CD63: variants seen among roughly 807,000 people sequenced by gnomAD.
CD63 encodes the protein CD63 antigen.
In CD63, 16 loss-of-function variants were observed where a neutral mutation model predicts 29.2. The ratio of observed to expected loss-of-function variants is 0.55; its 90% confidence interval spans 0.37 to 0.83. CD63 has a LOEUF of 0.83. Among genes scored for constraint, CD63 ranks in the 40% least tolerant of loss-of-function variants. The pLI, the probability that CD63 is intolerant of heterozygous loss-of-function variation, is 0.00. For synonymous variants in CD63, 118 were observed against 111.7 expected (o/e 1.06, Z -0.36); for missense variants, 251 against 297.3 (o/e 0.84, Z 1.15).
chr12:55,724,645 C>T, downstream of CD63: 1 of 1,065,278 alleles, frequency 9.4e-7, no homozygotes, highest in East Asian at 2.5e-5. Context: ...AAAATAAGCA[C>T]TAACAAAAGT....
In CD63 at chr12:55,727,557, G is replaced by C. The variant is rs1029860983; in HGVS notation, c.67-218C>G. 3.5e-5 allele frequency: 45 copies of C among 1,299,598 alleles called. 1 individual carries two copies. Among genetic ancestry groups the C allele is most frequent in the Non-Finnish European group, 4.2e-5 (43 of 1,019,792 alleles). 80.5% of individuals were successfully genotyped at this position (1,299,598 alleles called of 1,614,324 possible). ...CTCCCGGCTCTTTAATCAGGGACAT[G>C]ACCAAATTCAAAAACCTCCCAGAAA... On this transcript the variant is annotated intron_variant, in intron 2 of 7. Coordinates refer to ENST00000257857, the MANE Select transcript of CD63 (RefSeq NM_001780.6).
chr12:55,728,349 G>C lies in CD63; in HGVS notation c.-8C>G, dbSNP rs770757846. The C allele has an allele frequency of 1.9e-6, 3 of 1,609,274 alleles. No individual in the cohort carries two copies. The highest frequency in any genetic ancestry group is 1.3e-5 in the African/African-American group (1 of 75,030). ...TCCTCCTTCCACCGCCATGGCTGCC[G>C]GGCCTGGGGCAGAGGGGAGGGCGGG... On this transcript the variant is annotated 5_prime_UTR_variant, in exon 2 of 8. Transcript: ENST00000257857. The surrounding 1 kb of genome is among the most constrained non-coding windows in gnomAD (Gnocchi z 4.8).
At chr12:55,724,799 G>T, downstream of CD63, 1 of 562,878 alleles carries the variant, frequency 1.8e-6, no homozygotes, top group Admixed American at 3.0e-5. Flanking sequence ...ACCCACAGTG[G>T]GGCGCCAGGG....
At chr12:55,727,434 C>A (rs929369126) in intron 2 of CD63, 95 bp from the exon 3 acceptor site, 24 of 1,316,442 alleles carry the variant, frequency 1.8e-5, no homozygotes, top group Admixed American at 7.2e-5. Context: ...CAGACTTGAC[C>A]CCATCCGGAA....
intron 3 of CD63, 23 bp from the exon 4 acceptor site, chr12:55,726,987 T>TC: frequency 6.2e-7 from 1 of 1,612,402 alleles, no homozygotes; most frequent in Non-Finnish European, 8.5e-7. Flanking sequence ...AGGACAGAAG[T>TC]CAAGTTTGGA....
chr12:55,723,701 AAAC>A (rs1877037766), downstream of CD63: 3 of 663,656 alleles, frequency 4.5e-6, no homozygotes, highest in African/African-American at 5.4e-5. Flanking sequence ...AGATCAAAGA[AAAC>A]AAACCTCAAA....
Position 55,725,572 on chromosome 12 carries a change from C to T in CD63, c.706G>A (p.Glu236Lys), listed in dbSNP as rs1221319432. The change falls in exon 8 of 8, where the codon GAG becomes AAG. Residue 236 changes from glutamate (E) to lysine (K), a missense_variant. By Grantham distance (56) the Glu-to-Lys change is moderately conservative (BLOSUM62 1). Coordinates refer to ENST00000257857, the MANE Select transcript of CD63 (RefSeq NM_001780.6). The part of the protein sequence containing the change: ...CLVKSIRSGY[E>K]VM ...AGGAGACCAGACCCCTACATCACCT[C>T]GTAGCCACTTCTGATACTCTTCACG... The T allele has an allele frequency of 2.5e-6, 4 of 1,613,784 alleles. No homozygotes were observed. Among genetic ancestry groups the T allele is most frequent in the Admixed American group, 1.7e-5 (1 of 59,986 alleles).
chr12:55,723,848 G>A (rs1289382972), downstream of CD63: 2 of 1,609,608 alleles, frequency 1.2e-6, no homozygotes, highest in Middle Eastern at 1.7e-4. Context: ...CTCCCTATAG[G>A]GCAAGAACCC....
At chr12:55,725,150 G>C (rs1877163827), downstream of CD63, among the ~76,000 whole-genome samples, 1 of 152,208 alleles carries the variant, frequency 6.6e-6, no homozygotes, top group African/African-American at 2.4e-5. Flanking sequence ...AGGCCAGGAA[G>C]ATGTCCAAGG....
At chr12:55,727,365 G>A (rs1877523093) in intron 2 of CD63, 26 bp from the exon 3 acceptor site, 5 of 1,598,736 alleles carry the variant, frequency 3.1e-6, no homozygotes, top group Non-Finnish European at 3.4e-6. Flanking sequence ...GTGAGGATTA[G>A]GCCATATCCA....
rs1406299370 is a variant in CD63, at chr12:55,726,265, G to C, written c.427-4C>G. 2 of 1,613,118 alleles carry C rather than the reference G, an allele frequency of 1.2e-6. No individual in the cohort carries two copies. Among genetic ancestry groups the C allele is most frequent in the Non-Finnish European group, 1.7e-6 (2 of 1,179,572 alleles). ...TAGCAGCCCCACAGCACTTAAACTG[G>C]GGGAGGGAAGAAATATGGAGAAGAA... On this transcript the variant is annotated splice_region_variant and splice_polypyrimidine_tract_variant and intron_variant, in intron 5 of 7. Transcript: ENST00000257857.
chr12:55,725,376 G>A lies in CD63; in HGVS notation c.*185C>T, dbSNP rs1351370449. On this transcript the variant is annotated 3_prime_UTR_variant, in exon 8 of 8. Transcript: ENST00000257857. ...CCAAACACCCCCCAAAATAGACCTC[G>A]AAGTACACATGCATTAAGGTCCCAG... is the stretch of plus-strand genomic sequence containing the variant. 1.3e-5 allele frequency: 8 copies of A among 613,282 alleles called. No homozygotes were observed. Among genetic ancestry groups the A allele is most frequent in the South Asian group, 6.0e-5 (3 of 50,358 alleles). 38.0% of individuals were successfully genotyped at this position (613,282 alleles called of 1,614,324 possible). A position where few individuals can be genotyped will look rare whatever the true frequency, so the allele number is the denominator to read the frequency against.
In CD63 at chr12:55,728,647, G is replaced by T; in HGVS notation, c.-11-295C>A. On this transcript the variant is annotated intron_variant, in intron 1 of 7. Coordinates refer to ENST00000257857, the MANE Select transcript of CD63 (RefSeq NM_001780.6). The surrounding 1 kb of genome is among the most constrained non-coding windows in gnomAD (Gnocchi z 4.8). ...CCGACCCTCGGCCCGCCAGTCTCCG[G>T]GCGTCAAACACCCTTTCCCCACCCA... 1 of 1,283,268 alleles carries T rather than the reference G, an allele frequency of 7.8e-7. No individual in the cohort carries two copies. The highest frequency in any genetic ancestry group is 9.9e-7 in the Non-Finnish European group (1 of 1,010,684). The allele number at this position is 1,283,268 out of a possible 1,614,324, so 79.5% of individuals were successfully genotyped here. A position where few individuals can be genotyped will look rare whatever the true frequency, so the allele number is the denominator to read the frequency against.
Position 55,728,936 on chromosome 12 carries a change from G to T in CD63, c.-12+17C>A. 2.0e-6 allele frequency: 2 copies of T among 985,474 alleles called. No homozygotes were observed. The highest frequency in any genetic ancestry group is 2.4e-6 in the Non-Finnish European group (2 of 829,992). The allele number at this position is 985,474 out of a possible 1,614,324, so 61.0% of individuals were successfully genotyped here. The stretch of plus-strand genomic sequence containing the variant: ...TCCCAGCCCGCGCCGAAGTCCGCCG[G>T]GTCCCCGCGGCCTCACCTGGGCTTC... On this transcript the variant is annotated intron_variant, in intron 1 of 7. Coordinates refer to ENST00000257857, the MANE Select transcript of CD63 (RefSeq NM_001780.6). The surrounding 1 kb of genome is among the most constrained non-coding windows in gnomAD (Gnocchi z 4.8).
In CD63 at chr12:55,725,872, A is replaced by G. The variant is rs1369742778; in HGVS notation, c.592T>C (p.Trp198Arg). 4.3e-6 allele frequency: 7 copies of G among 1,614,076 alleles called. No individual in the cohort carries two copies. The highest frequency in any genetic ancestry group is 5.9e-6 in the Non-Finnish European group (7 of 1,179,988). Residue 198 changes from tryptophan to arginine, a missense_variant, in exon 7 of 8, where the codon TGG (tryptophan) becomes CGG (arginine). Coordinates refer to ENST00000257857, the MANE Select transcript of CD63 (RefSeq NM_001780.6). Reference sequence around the variant, plus strand: ...ACCACCAGCACATTTTTCCTCAGCCAGCCCCCAATCTTCTCCACACAGCCC... The same window carrying G: ...ACCACCAGCACATTTTTCCTCAGCCGGCCCCCAATCTTCTCCACACAGCCC... ...KEGCVEKIGGWLRKNVLVVAA... is the reference protein window; with the variant it reads ...KEGCVEKIGGRLRKNVLVVAA...
chr12:55,726,479 G>C (rs1877377230), intron 5 of CD63: 1 of 623,726 alleles, frequency 1.6e-6, no homozygotes, highest in Non-Finnish European at 2.8e-6. Flanking sequence ...TGAGTAGGTG[G>C]GATTACAGGC....
At position 55,727,254 on chromosome 12, in the gene CD63, G is replaced by C. The variant is rs1007732005; in HGVS notation, c.152C>G (p.Ser51Cys). ...QTIIQGATPG[S>C]LLPVVIIAVG... is the part of the protein sequence containing the mutation. ...TGCGATGATGACCACTGGCAACAGA[G>C]AGCCAGGGGTAGCCCCCTGGATTAT... Residue 51 changes from serine to cysteine, a missense_variant, in exon 3 of 8, where the codon TCT becomes TGT. By Grantham distance (112) the Ser-to-Cys change is moderately radical. Coordinates refer to ENST00000257857, the MANE Select transcript of CD63 (RefSeq NM_001780.6). 1.2e-6 allele frequency: 2 copies of C among 1,613,726 alleles called. No individual in the cohort carries two copies. Among genetic ancestry groups the C allele is most frequent in the Non-Finnish European group, 1.7e-6 (2 of 1,179,980 alleles).
chr12:55,727,031 C>A lies in CD63; in HGVS notation c.256-67G>T, dbSNP rs564617994. Reference sequence around the variant, plus strand: ...ATTACAGGGGCCCGTTTTGGCACAGCCGGTCCCTGGACACTCACAAAGGTC... The same window carrying A: ...ATTACAGGGGCCCGTTTTGGCACAGACGGTCCCTGGACACTCACAAAGGTC... On this transcript the variant is annotated intron_variant, in intron 3 of 7. Coordinates refer to ENST00000257857, the MANE Select transcript of CD63 (RefSeq NM_001780.6). 4.8e-5 allele frequency: 75 copies of A among 1,577,606 alleles called. No individual in the cohort carries two copies. The African/African-American group carries it at 9.7e-4, about 20-fold the overall frequency.
intron 6 of CD63, 26 bp from the exon 7 acceptor site, chr12:55,725,922 A>G: frequency 6.2e-7 from 1 of 1,610,302 alleles, no homozygotes; most frequent in Non-Finnish European, 8.5e-7. Context: ...ACAAAGGACA[A>G]AAGCACCATC....
Sources: gnomAD v4.1 joint callset for allele counts (sites outside exome capture counted in the v4.1 genomes callset) on GRCh38, gnomAD v4.1.1 for gene constraint, Gnocchi (gnomAD v3.1) non-coding constraint, MANE v1.5 for transcripts, NCBI Gene and HGNC (gene_info 2026-07-23, HGNC 2026-07-21) for gene names.